The following PDE10A variants were observed in gnomAD, a reference collection of about 807,000 sequenced individuals.
PDE10A encodes the protein cAMP and cAMP-inhibited cGMP 3',5'-cyclic phosphodiesterase 10A.
PDE10A carries 39 observed loss-of-function variants against 97.7 expected under a neutral mutation model. The ratio of observed to expected loss-of-function variants is 0.40; its 90% CI spans 0.31 to 0.52. The LOEUF is 0.52. Ranked by LOEUF, PDE10A falls within the 20% of genes least tolerant of loss-of-function variation. The probability of loss-of-function intolerance (pLI) is 0.56; values close to 1 mark genes in which losing one functional copy is unlikely to be tolerated. For synonymous variants in PDE10A, 371 were observed against 376.8 expected, an observed-to-expected ratio of 0.98 and a Z score of 0.18; for missense variants, 731 against 1,047.8, an observed-to-expected ratio of 0.70 and a Z score of 4.17.
chr6:165,960,376 C>T (rs1486393752), intron 1 of PDE10A, among the ~76,000 whole-genome samples: 1 of 152,150 alleles, frequency 6.6e-6, no homozygotes, highest in Non-Finnish European at 1.5e-5. Flanking sequence ...CACGTGGAGG[C>T]CTGATCCGAC....
intron 1 of PDE10A, among the ~76,000 whole-genome samples, chr6:165,957,355 T>G (rs1784164037): frequency 6.6e-6 from 1 of 152,002 alleles, no homozygotes; most frequent in Non-Finnish European, 1.5e-5. Flanking sequence ...GTGGCACATG[T>G]CTGTAGTCCC....
chr6:165,457,592 A>T, intron 3 of PDE10A, among the ~76,000 whole-genome samples: 1 of 152,186 alleles, frequency 6.6e-6, no homozygotes, highest in South Asian at 2.1e-4. Context: ...AAGCTACATC[A>T]GGTTCTGTCC....
chr6:165,537,327 A>G (rs1321501290), intron 2 of PDE10A, among the ~76,000 whole-genome samples: 1 of 152,042 alleles, frequency 6.6e-6, no homozygotes, highest in Non-Finnish European at 1.5e-5. Context: ...TAACAGGTAC[A>G]AAATTACAGT....
At chr6:165,775,078 A>C (rs897485242) in intron 1 of PDE10A, 2 of 152,176 alleles carry the variant, frequency 1.3e-5, no homozygotes, top group African/African-American at 4.8e-5. Flanking sequence ...ACTGGTGCTC[A>C]TCACTGGCCC....
chr6:165,371,031 T>G (rs1031383740), intron 18 of PDE10A, among the ~76,000 whole-genome samples: 3 of 140,392 alleles, frequency 2.1e-5, no homozygotes, highest in East Asian at 2.0e-4. Flanking sequence ...CTGAAACCAA[T>G]GAGAACAAAG....
chr6:165,545,560 AC>A (rs1311695090), intron 1 of PDE10A, among the ~76,000 whole-genome samples: 1 of 152,108 alleles, frequency 6.6e-6, no homozygotes, highest in African/African-American at 2.4e-5. Flanking sequence ...AAACAAAAAA[AC>A]ACTCGTTAAA....
chr6:165,867,677 C>A (rs947312380), intron 1 of PDE10A, among the ~76,000 whole-genome samples: 14 of 151,916 alleles, frequency 9.2e-5, no homozygotes, highest in African/African-American at 2.7e-4. Context: ...AATAAATATA[C>A]CTAACAGACA....
At chr6:165,587,864 A>G (rs1293586862) in intron 1 of PDE10A, among the ~76,000 whole-genome samples, 1 of 152,238 alleles carries the variant, frequency 6.6e-6, no homozygotes, top group African/African-American at 2.4e-5. Flanking sequence ...AGGTCCCTGC[A>G]CACAGAAACA....
chr6:165,604,727 G>C (rs557278811), intron 1 of PDE10A, among the ~76,000 whole-genome samples: 23 of 152,258 alleles, frequency 1.5e-4, no homozygotes, highest in Non-Finnish European at 2.8e-4. Flanking sequence ...GGCTGCTTGC[G>C]CTATGTTACT....
chr6:165,895,455 C>A (rs921440502), intron 1 of PDE10A, among the ~76,000 whole-genome samples: 1 of 152,142 alleles, frequency 6.6e-6, no homozygotes, highest in Non-Finnish European at 1.5e-5. Flanking sequence ...TTGGAGAGAA[C>A]GCAGCCCTGC....
intron 1 of PDE10A, among the ~76,000 whole-genome samples, chr6:165,544,574 TAA>T (rs58985507): frequency 0.023 from 3,084 of 134,320 alleles, 63 homozygotes; most frequent in African/African-American, 0.06. Context: ...ATGGTTAGGT[TAA>T]AAAAAAAAAA....
chr6:165,710,820 A>G (rs1371482732), intron 1 of PDE10A, among the ~76,000 whole-genome samples: 2 of 152,268 alleles, frequency 1.3e-5, no homozygotes, highest in African/African-American at 2.4e-5. Flanking sequence ...GGAAAGACAT[A>G]CAAAGTGCTT....
chr6:165,482,527 T>C (rs1472647708), intron 2 of PDE10A, among the ~76,000 whole-genome samples, 184 bp from the exon 3 acceptor site: 1 of 152,222 alleles, frequency 6.6e-6, no homozygotes, highest in Non-Finnish European at 1.5e-5. Flanking sequence ...AGTTAAGAAG[T>C]ATACATTAAT....
chr6:165,597,778 A>C (rs1397901669), intron 1 of PDE10A, among the ~76,000 whole-genome samples: 1 of 152,258 alleles, frequency 6.6e-6, no homozygotes, highest in Non-Finnish European at 1.5e-5. Flanking sequence ...GCCGGATGAT[A>C]CCAGGTTTAC....
intron 3 of PDE10A, among the ~76,000 whole-genome samples, chr6:165,465,335 T>C (rs1778576547): frequency 6.6e-6 from 1 of 152,114 alleles, no homozygotes; most frequent in African/African-American, 2.4e-5. Flanking sequence ...CTTTAAAAAA[T>C]TTTAAAATCC....
intron 1 of PDE10A, among the ~76,000 whole-genome samples, chr6:165,625,856 G>A (rs1396087480): frequency 6.6e-6 from 1 of 152,128 alleles, no homozygotes; most frequent in East Asian, 1.9e-4. Context: ...CAACAGCATG[G>A]AAACGGACTC....
At chr6:165,679,454 T>G (rs1790915662) in intron 1 of PDE10A, among the ~76,000 whole-genome samples, 1 of 152,082 alleles carries the variant, frequency 6.6e-6, no homozygotes, top group African/African-American at 2.4e-5. Flanking sequence ...AAAGGGGAAA[T>G]CTGGATTCTC....
chr6:165,568,143 C>T (rs1470116506), intron 1 of PDE10A, among the ~76,000 whole-genome samples: 4 of 151,898 alleles, frequency 2.6e-5, no homozygotes, highest in African/African-American at 7.3e-5. Flanking sequence ...GGACTACAAG[C>T]GCCCGCCACC....
At chr6:165,858,864 T>C (rs1370010164) in intron 1 of PDE10A, among the ~76,000 whole-genome samples, 1 of 152,218 alleles carries the variant, frequency 6.6e-6, no homozygotes, top group African/African-American at 2.4e-5. Context: ...AAATTCCAGG[T>C]CTCAGTCCAG....
Sources: allele counts gnomAD v4.1 joint callset (sites outside exome capture counted in the v4.1 genomes callset), GRCh38; gene constraint gnomAD v4.1.1; transcripts MANE v1.5; gene names NCBI Gene and HGNC (gene_info 2026-07-23, HGNC 2026-07-21).